TEC: variants seen among roughly 807,000 people sequenced by gnomAD.
TEC encodes the protein tyrosine-protein kinase Tec.
Under a neutral mutation model 93.0 loss-of-function variants are expected in TEC, and 72 were observed. The observed-to-expected ratio is 0.77, with a 90% CI of 0.64 to 0.94. TEC has a LOEUF of 0.94. Among genes scored for constraint, TEC ranks in the 40% least tolerant of loss-of-function variants. The probability of loss-of-function intolerance (pLI) is 0.00; values close to 1 mark genes in which losing one functional copy is unlikely to be tolerated. For synonymous variants in TEC, 249 were observed against 247.7 expected, an observed-to-expected ratio of 1.01 and a Z score of -0.05; for missense variants, 630 against 757.9, an observed-to-expected ratio of 0.83 and a Z score of 1.98.
chr4:48,146,455 C>A, intron 11 of TEC, 56 bp from the exon 12 acceptor site: 3 of 1,512,696 alleles, frequency 2.0e-6, no homozygotes, highest in South Asian at 2.3e-5. Context: ...TCTGCTTGGT[C>A]ACATGCTACA....
chr4:48,148,393 A>T (rs1477957187), intron 11 of TEC, among the ~76,000 whole-genome samples: 3 of 152,220 alleles, frequency 2.0e-5, no homozygotes, highest in Non-Finnish European at 4.4e-5. Context: ...GCCCAGTTAC[A>T]TTTTTAAAGT....
intron 2 of TEC, among the ~76,000 whole-genome samples, chr4:48,200,682 T>C (rs1295380938): frequency 1.3e-5 from 2 of 152,354 alleles, no homozygotes; most frequent in African/African-American, 2.4e-5. Flanking sequence ...CAATGAGATA[T>C]TGGCAGAAGT....
chr4:48,146,174 T>C lies in TEC; in HGVS notation c.1081+151A>G, dbSNP rs1719897460. 4 of 610,036 alleles carry C rather than the reference T, an allele frequency of 6.6e-6. No homozygotes were observed. In the East Asian group the frequency reaches 1.2e-4, roughly 18 times the overall value. 37.8% of individuals were successfully genotyped at this position (610,036 alleles called of 1,614,324 possible). ...GATGAAAATTGAATACCTAGGCTGC[T>C]ATGGTCTTAAGTATAATTATCTAAA... On this transcript the variant is annotated intron_variant, in intron 12 of 17. Transcript: ENST00000381501.
chr4:48,223,417 G>A (rs925641072), intron 2 of TEC, among the ~76,000 whole-genome samples: 1 of 151,974 alleles, frequency 6.6e-6, no homozygotes, highest in Non-Finnish European at 1.5e-5. Context: ...GATAGGCTTT[G>A]AAGAAATATA....
chr4:48,164,137 T>C (rs1560383992), intron 7 of TEC, among the ~76,000 whole-genome samples: 1 of 152,210 alleles, frequency 6.6e-6, no homozygotes, highest in Non-Finnish European at 1.5e-5. Context: ...TCCACAATAC[T>C]TCTCCAGAAT....
In TEC at chr4:48,155,199, T is replaced by C. The variant is rs913090319; in HGVS notation, c.792+1481A>G. On this transcript the variant is annotated intron_variant, in intron 9 of 17. Coordinates refer to ENST00000381501, the MANE Select transcript of TEC (RefSeq NM_003215.3). ...AGTAGCTGTGTCTCCTTTATCTATA[T>C]GTTTTATGGGAATGAACATTGTATC... Among the ~76,000 whole-genome samples, 4 of 152,266 alleles carry C rather than the reference T, an allele frequency of 2.6e-5. No individual in the cohort carries two copies. In the East Asian group the frequency reaches 5.8e-4, roughly 22 times the overall value.
At chr4:48,265,670 G>A (rs1232224668) in intron 1 of TEC, among the ~76,000 whole-genome samples, 4 of 151,640 alleles carry the variant, frequency 2.6e-5, no homozygotes, top group Non-Finnish European at 5.9e-5. Context: ...GAGCCACCAC[G>A]CCCAGCTAAT....
intron 2 of TEC, among the ~76,000 whole-genome samples, chr4:48,207,614 T>C: frequency 1.0e-5 from 1 of 97,064 alleles, no homozygotes; most frequent in Admixed American, 1.3e-4. Context: ...AGACCATGTC[T>C]CTACAAAAAA....
chr4:48,171,386 C>A lies in TEC; in HGVS notation c.307G>T (p.Val103Leu). 6.2e-7 allele frequency: 1 copy of A among 1,613,400 alleles called. No individual in the cohort carries two copies. The highest frequency in any genetic ancestry group is 8.5e-7 in the Non-Finnish European group (1 of 1,179,742). Residue 103 changes from valine (V) to leucine (L), a missense_variant, in exon 4 of 18, where the codon GTG becomes TTG. This residue lies in a region of TEC where 335 missense variants were observed against 351.5 expected (regional missense o/e 0.95). Coordinates refer to ENST00000381501, the MANE Select transcript of TEC (RefSeq NM_003215.3). Reference protein sequence around the residue: ...APSPQSRDLWVKKLKEEIKNN... With the variant: ...APSPQSRDLWLKKLKEEIKNN... ...GTTTTACCTTCTTTTAACTTCTTCA[C>A]CCACAGGTCCCTGCTTTGTGGACTA...
rs151031843 is a variant in TEC at position 48,195,993 on chromosome 4, G to A, written c.139-19807C>T. Among the ~76,000 whole-genome samples, 32 of 152,222 alleles carry A rather than the reference G, an allele frequency of 2.1e-4. No individual in the cohort carries two copies. The East Asian group carries it at 5.8e-3, about 28-fold the overall frequency. On this transcript the variant is annotated intron_variant, in intron 2 of 17. Coordinates refer to ENST00000381501, the MANE Select transcript of TEC (RefSeq NM_003215.3). The stretch of plus-strand genomic sequence containing the variant: ...GTCTGCTTTTCTCTTCCTTACCCCC[G>A]CCTCACCTCCCTTCTGGTGGTACAG...
chr4:48,245,095 C>T (rs745932877), intron 1 of TEC, among the ~76,000 whole-genome samples: 1 of 152,068 alleles, frequency 6.6e-6, no homozygotes, highest in Non-Finnish European at 1.5e-5. Flanking sequence ...GATATTCAGA[C>T]CATCCTGGCC....
Position 48,138,809 on chromosome 4 carries a change from C to T in TEC, c.1668G>A (p.Trp556Ter). Residue 556 changes from tryptophan to a stop codon, truncating the protein, a stop_gained, in exon 17 of 18, where the codon TGG (tryptophan) becomes TGA (stop). Transcript: ENST00000381501. LOFTEE classifies it high-confidence loss of function. ...GCATTCTGCCTTCCGTGAATACTTC[C>T]CACATTAAAACACCTGGAAAAGGAT... ...SDVWSFGVLM[W>*]EVFTEGRMPF... is the part of the protein sequence containing the mutation. 6.2e-7 allele frequency: 1 copy of T among 1,613,572 alleles called. No homozygotes were observed. The highest frequency in any genetic ancestry group is 2.2e-5 in the East Asian group (1 of 44,888).
intron 1 of TEC, among the ~76,000 whole-genome samples, chr4:48,246,125 A>C (rs1724047668): frequency 6.6e-6 from 1 of 152,022 alleles, no homozygotes; most frequent in African/African-American, 2.4e-5. Flanking sequence ...AAGAAAAATT[A>C]TTTTTACGGA....
rs1204681395 is a variant in TEC at position 48,171,527 on chromosome 4, T to A, written c.244-78A>T. Reference sequence around the variant, plus strand: ...CTGTCTAGCACAGAACCCTTGGTACTACAGACACCAATAAATGATTCTCAA... The same window carrying A: ...CTGTCTAGCACAGAACCCTTGGTACAACAGACACCAATAAATGATTCTCAA... On this transcript the variant is annotated intron_variant, in intron 3 of 17. Coordinates refer to ENST00000381501, the MANE Select transcript of TEC (RefSeq NM_003215.3). 3 of 1,039,670 alleles carry A rather than the reference T, an allele frequency of 2.9e-6. No individual in the cohort carries two copies. The African/African-American group carries it at 4.8e-5, about 17-fold the overall frequency. 64.4% of individuals were successfully genotyped at this position (1,039,670 alleles called of 1,614,324 possible).
At chr4:48,203,185 GAAA>G (rs1454300842) in intron 2 of TEC, among the ~76,000 whole-genome samples, 1 of 152,064 alleles carries the variant, frequency 6.6e-6, no homozygotes, top group African/African-American at 2.4e-5. Context: ...CCAACACAGT[GAAA>G]CCCTGTCTTT....
intron 2 of TEC, among the ~76,000 whole-genome samples, chr4:48,214,774 A>C (rs980136291): frequency 6.6e-6 from 1 of 152,026 alleles, no homozygotes; most frequent in African/African-American, 2.4e-5. Context: ...GGATTGCTTG[A>C]GCCCAGGAGG....
intron 2 of TEC, among the ~76,000 whole-genome samples, chr4:48,193,871 T>G (rs2109585780): frequency 6.6e-6 from 1 of 152,164 alleles, no homozygotes; most frequent in African/African-American, 2.4e-5. Context: ...TTGGGAGAGA[T>G]AAGCTTTGTA....
intron 9 of TEC, among the ~76,000 whole-genome samples, chr4:48,151,789 A>C (rs995662709): frequency 1.1e-4 from 16 of 152,214 alleles, no homozygotes; most frequent in African/African-American, 3.1e-4. Flanking sequence ...ACCCAGCCAA[A>C]TATCAGCCTT....
intron 1 of TEC, among the ~76,000 whole-genome samples, chr4:48,251,497 G>A (rs1560425717): frequency 6.6e-6 from 1 of 152,164 alleles, no homozygotes; most frequent in Non-Finnish European, 1.5e-5. Context: ...ATCTCTGTGT[G>A]ACACTTTTCT....
Sources: gnomAD v4.1 joint callset for allele counts (sites outside exome capture counted in the v4.1 genomes callset) on GRCh38, gnomAD v4.1.1 for gene constraint, gnomAD v4.1.1 regional missense constraint, MANE v1.5 for transcripts, NCBI Gene and HGNC (gene_info 2026-07-23, HGNC 2026-07-21) for gene names.